Variants in TNS3 observed in about 807,000 individuals in gnomAD.
TNS3 encodes the protein tensin-3.
A neutral mutation model predicts 140.9 loss-of-function variants in TNS3; 45 were observed. The ratio of observed to expected loss-of-function variants is 0.32; its 90% confidence interval spans 0.25 to 0.41. The LOEUF (loss-of-function observed/expected upper bound fraction) is 0.41. Ranked by LOEUF, TNS3 falls within the 10% of genes least tolerant of loss-of-function variation. The pLI, the probability that TNS3 is intolerant of heterozygous loss-of-function variation, is 1.00. For missense variants in TNS3, 1,716 were observed against 1,906.7 expected, an observed-to-expected ratio of 0.90 and a Z score of 1.86; for synonymous variants, 815 against 788.4, an observed-to-expected ratio of 1.03 and a Z score of -0.56.
Position 47,369,232 on chromosome 7 carries a change from C to G in TNS3, c.1414G>C (p.Asp472His). The G allele has an allele frequency of 6.2e-7, 1 of 1,614,228 alleles. No individual in the cohort carries two copies. Among genetic ancestry groups the G allele is most frequent in the Non-Finnish European group, 8.5e-7 (1 of 1,180,050 alleles). ...VHVNGDAALK[D>H]RETDILDDEM... ...TCATCCAGAATGTCTGTCTCCCGAT[C>G]CTTCAGAGCAGCGTCTCCATTCACG... The change falls in exon 17 of 31, where the codon GAT becomes CAT. Residue 472 changes from aspartate (D) to histidine (H), a missense_variant. Physicochemically the swap from Asp to His is moderately conservative, Grantham distance 81. This residue lies in a region of TNS3 where 1,163 missense variants were observed against 1,182.1 expected (regional missense o/e 0.98). Transcript: ENST00000311160.
At chr7:47,561,389 C>A (rs965191901) in intron 1 of TNS3, among the ~76,000 whole-genome samples, 2 of 152,180 alleles carry the variant, frequency 1.3e-5, no homozygotes, top group African/African-American at 4.8e-5. Flanking sequence ...CCTATGGGAC[C>A]ACCCACCTCA....
chr7:47,475,538 G>A (rs957174689), intron 4 of TNS3, among the ~76,000 whole-genome samples: 1 of 152,234 alleles, frequency 6.6e-6, no homozygotes, highest in African/African-American at 2.4e-5. Flanking sequence ...TTCCCCGGGG[G>A]GGGGGCCAGG....
chr7:47,522,999 C>T (rs2151923640), intron 2 of TNS3, among the ~76,000 whole-genome samples: 2 of 152,122 alleles, frequency 1.3e-5, no homozygotes, highest in South Asian at 4.2e-4. Context: ...ATGATGTCTC[C>T]TCCAGTTTGG....
At chr7:47,377,789 C>T (rs941250482) in intron 16 of TNS3, among the ~76,000 whole-genome samples, 1 of 149,236 alleles carries the variant, frequency 6.7e-6, no homozygotes, top group African/African-American at 2.5e-5. Flanking sequence ...TCCTTCTCCC[C>T]CATGCCCTCC....
intron 1 of TNS3, among the ~76,000 whole-genome samples, chr7:47,537,185 G>C (rs1350727121): frequency 1.3e-5 from 2 of 152,036 alleles, no homozygotes; most frequent in Non-Finnish European, 1.5e-5. Context: ...CGGCTATCTG[G>C]GGGGAGGATG....
At chr7:47,353,992 A>AAC (rs10598998) in intron 17 of TNS3, among the ~76,000 whole-genome samples, 36,485 of 143,204 alleles carry the variant, frequency 0.25, 4,531 homozygotes, top group East Asian at 0.31. Flanking sequence ...CAGAGGACAA[A>AAC]ACACACACAC....
chr7:47,547,446 G>A (rs911054642), intron 1 of TNS3, among the ~76,000 whole-genome samples: 4 of 152,080 alleles, frequency 2.6e-5, no homozygotes, highest in African/African-American at 9.7e-5. Flanking sequence ...AAATTGCAGG[G>A]GGCAGCGGCA....
At chr7:47,546,490 G>A (rs1187011625) in intron 1 of TNS3, among the ~76,000 whole-genome samples, 1 of 152,186 alleles carries the variant, frequency 6.6e-6, no homozygotes, top group Non-Finnish European at 1.5e-5. Flanking sequence ...GCCCAGGACG[G>A]TGAGGTGCTG....
intron 13 of TNS3, among the ~76,000 whole-genome samples, chr7:47,409,672 C>CTTTTTTTTTTTT (rs1562703573): frequency 5.4e-5 from 8 of 149,252 alleles, no homozygotes; most frequent in African/African-American, 1.5e-4. Context: ...TTTTTTTTAC[C>CTTTTTTTTTTTT]TCTGAGACGG....
intron 27 of TNS3, among the ~76,000 whole-genome samples, chr7:47,291,358 A>T (rs960680048): frequency 6.6e-6 from 1 of 152,188 alleles, no homozygotes; most frequent in Non-Finnish European, 1.5e-5. Flanking sequence ...AGGCTGTGTT[A>T]ATGCAGGTTC....
chr7:47,409,051 A>G (rs930016091), intron 13 of TNS3, among the ~76,000 whole-genome samples: 10 of 152,188 alleles, frequency 6.6e-5, no homozygotes, highest in Non-Finnish European at 1.2e-4. Context: ...TTAAAAAAAA[A>G]GACTACTGGA....
intron 2 of TNS3, 70 bp from the exon 3 acceptor site, chr7:47,507,014 AC>A: frequency 8.2e-7 from 1 of 1,215,398 alleles, no homozygotes; most frequent in Non-Finnish European, 1.1e-6. Flanking sequence ...ACATCTTCAA[AC>A]CCTCTCAATC....
At chr7:47,539,174 T>C (rs334506) in intron 1 of TNS3, 454,822 of 455,938 alleles carry the variant, frequency 1, 226,865 homozygotes, top group East Asian at 1. Flanking sequence ...CCAGGATTCA[T>C]ACTCTCTGGG....
intron 4 of TNS3, among the ~76,000 whole-genome samples, chr7:47,468,484 C>A (rs1286751062): frequency 6.6e-6 from 1 of 151,882 alleles, no homozygotes; most frequent in Non-Finnish European, 1.5e-5. Context: ...TTAATGTTCC[C>A]CTTCAGTAGT....
chr7:47,317,778 C>G (rs1285444966), intron 20 of TNS3, among the ~76,000 whole-genome samples: 1 of 152,188 alleles, frequency 6.6e-6, no homozygotes, highest in African/African-American at 2.4e-5. Flanking sequence ...AGCCAACACA[C>G]AGCTGAGAAG....
At chr7:47,571,758 C>G (rs555484137) in intron 1 of TNS3, among the ~76,000 whole-genome samples, 2 of 152,346 alleles carry the variant, frequency 1.3e-5, no homozygotes, top group Middle Eastern at 3.4e-3. Context: ...CCCAGCTGGC[C>G]GCTCACCAAG....
At chr7:47,313,933 G>A (rs953168772) in intron 20 of TNS3, among the ~76,000 whole-genome samples, 5 of 152,162 alleles carry the variant, frequency 3.3e-5, no homozygotes, top group African/African-American at 7.2e-5. Flanking sequence ...GTTCCTGACC[G>A]GGTGACAGGA....
chr7:47,283,725 C>T lies in TNS3; in HGVS notation c.4069G>A (p.Gly1357Ser). 6.3e-7 allele frequency: 1 copy of T among 1,597,140 alleles called. No individual in the cohort carries two copies. The highest frequency in any genetic ancestry group is 8.5e-7 in the Non-Finnish European group (1 of 1,172,078). The change falls in exon 28 of 31, where the codon GGC (glycine) becomes AGC (serine). Residue 1357 changes from glycine (G) to serine (S), a missense_variant. Coordinates refer to ENST00000311160, the MANE Select transcript of TNS3 (RefSeq NM_022748.12). ...CTCTGATTGTCTGTCAGGGTGATGCCCTGGGCTGACACCTTGAAGTGCACA... is the reference window on the plus strand; with the variant it reads ...CTCTGATTGTCTGTCAGGGTGATGCTCTGGGCTGACACCTTGAAGTGCACA... ...TVVHFKVSAQ[G>S]ITLTDNQRKL...
intron 17 of TNS3, among the ~76,000 whole-genome samples, chr7:47,348,031 G>A (rs575242527): frequency 2.0e-5 from 3 of 152,212 alleles, no homozygotes; most frequent in Admixed American, 6.5e-5. Flanking sequence ...CAGGACGCAA[G>A]TGCTGCAGGC....
Sources: allele counts gnomAD v4.1 joint callset (sites outside exome capture counted in the v4.1 genomes callset), GRCh38; gene constraint gnomAD v4.1.1; regional missense constraint gnomAD v4.1.1; transcripts MANE v1.5; gene names NCBI Gene and HGNC (gene_info 2026-07-23, HGNC 2026-07-21).